Variants in DEFB1 observed in about 807,000 individuals in gnomAD.
DEFB1 encodes the protein beta-defensin 1.
In DEFB1, 4 loss-of-function variants were observed where a neutral mutation model predicts 2.6. The observed-to-expected ratio is 1.53, with a 90% CI of 0.76 to 3.51. The LOEUF is 3.51. DEFB1 is among the 30% of genes most tolerant of loss of function. The pLI is 0.01. For missense variants in DEFB1, 162 were observed against 76.9 expected (o/e 2.11, Z -4.14); for synonymous variants, 56 against 28.5 (o/e 1.96, Z -3.07).
Position 6,877,840 on chromosome 8 carries a change from A to G in DEFB1, c.18T>C (p.Leu6=). Residue 6 remains leucine (L), a synonymous_variant, in exon 1 of 2, where the codon CTT becomes CTC. Transcript: ENST00000297439. ...AAAGTAAGCAGAGAGTAAACAGCAG[A>G]AGGTAGGAAGTTCTCATGGCGACTG... MRTSY[L]LLFTLCLLLS... is the part of the protein sequence containing the mutation. 1.2e-6 allele frequency: 2 copies of G among 1,613,986 alleles called. No individual in the cohort carries two copies. The highest frequency in any genetic ancestry group is 1.7e-6 in the Non-Finnish European group (2 of 1,179,928).
intron 1 of DEFB1, among the ~76,000 whole-genome samples, chr8:6,874,005 T>C (rs926393193): frequency 1.2e-4 from 19 of 152,188 alleles, no homozygotes; most frequent in Admixed American, 1.0e-3. Context: ...CTGTGTCTGT[T>C]TCTCTTACGT....
At chr8:6,876,621 C>A (rs564680638) in intron 1 of DEFB1, among the ~76,000 whole-genome samples, 1 of 151,980 alleles carries the variant, frequency 6.6e-6, no homozygotes, top group Admixed American at 6.6e-5. Flanking sequence ...CACAGTAAGA[C>A]CTTATCTCTA....
chr8:6,870,743 A>T lies in DEFB1; in HGVS notation c.145T>A (p.Cys49Ser). ...CCTTGAATTTTGGTAAAGATCGGGC[A>T]GGCAGAATAGAGACATTGCCCTCCA... The part of the protein sequence containing the change: ...SSGGQCLYSA[C>S]PIFTKIQGTC... The change falls in exon 2 of 2, where the codon TGC becomes AGC. Residue 49 changes from cysteine to serine, a missense_variant. Cys to Ser is a moderately radical substitution (Grantham distance 112). Coordinates refer to ENST00000297439, the MANE Select transcript of DEFB1 (RefSeq NM_005218.4). The T allele has an allele frequency of 6.2e-7, 1 of 1,614,240 alleles. No individual in the cohort carries two copies. Among genetic ancestry groups the T allele is most frequent in the Non-Finnish European group, 8.5e-7 (1 of 1,180,046 alleles).
At chr8:6,873,571 G>A (rs1419111636) in intron 1 of DEFB1, among the ~76,000 whole-genome samples, 1 of 152,182 alleles carries the variant, frequency 6.6e-6, no homozygotes, top group Non-Finnish European at 1.5e-5. Flanking sequence ...AGATGCAGCT[G>A]GAGGCCAATA....
chr8:6,874,681 T>C (rs1199481916), intron 1 of DEFB1, among the ~76,000 whole-genome samples: 1 of 152,182 alleles, frequency 6.6e-6, no homozygotes, highest in Admixed American at 6.5e-5. Flanking sequence ...AAAAATAGTC[T>C]TATCAACAGT....
intron 1 of DEFB1, among the ~76,000 whole-genome samples, chr8:6,871,461 C>T (rs1806308139): frequency 6.6e-6 from 1 of 152,064 alleles, no homozygotes; most frequent in African/African-American, 2.4e-5. Context: ...TTCCATGCAA[C>T]AGGGAACAGT....
At chr8:6,874,308 A>C (rs527509674) in intron 1 of DEFB1, among the ~76,000 whole-genome samples, 1 of 152,328 alleles carries the variant, frequency 6.6e-6, no homozygotes, top group Non-Finnish European at 1.5e-5. Flanking sequence ...GAAATGAAGA[A>C]GACCTAAATG....
At position 6,874,118 on chromosome 8, in the gene DEFB1, T is replaced by TACACAC. The variant is rs756827017; in HGVS notation, c.62-3298_62-3293dup. On this transcript the variant is annotated intron_variant, in intron 1 of 1. Coordinates refer to ENST00000297439, the MANE Select transcript of DEFB1 (RefSeq NM_005218.4). ...AAAAGAACAGCTAGAATATCTGACA[T>TACACAC]ACACACACACACACACACACACACA... is the stretch of plus-strand genomic sequence containing the variant. Among the ~76,000 whole-genome samples the TACACAC allele has an allele frequency of 3.1e-3, 369 of 120,304 alleles. 2 individuals carry two copies. Among genetic ancestry groups the TACACAC allele is most frequent in the African/African-American group, 0.011 (336 of 29,840 alleles). 78.9% of individuals were successfully genotyped at this position (120,304 alleles called of 152,430 possible).
intron 1 of DEFB1, among the ~76,000 whole-genome samples, chr8:6,872,976 C>G (rs191828674): frequency 6.6e-6 from 1 of 152,176 alleles, no homozygotes; most frequent in Non-Finnish European, 1.5e-5. Flanking sequence ...GAGAGATCAA[C>G]TGAGCATATA....
At chr8:6,874,378 G>C (rs1806440261) in intron 1 of DEFB1, among the ~76,000 whole-genome samples, 1 of 152,174 alleles carries the variant, frequency 6.6e-6, no homozygotes, top group Non-Finnish European at 1.5e-5. Flanking sequence ...TTAATCTTCT[G>C]GTTCAACCAA....
Position 6,870,805 on chromosome 8 carries a change from A to G in DEFB1, c.83T>C (p.Leu28Pro), listed in dbSNP as rs752488601. The G allele has an allele frequency of 5.6e-6, 9 of 1,613,478 alleles. No individual in the cohort carries two copies. Among genetic ancestry groups the G allele is most frequent in the Non-Finnish European group, 7.6e-6 (9 of 1,179,834 alleles). ...MASGGNFLTG[L>P]GHRSDHYNCV... ...ATTGTAATGATCAGATCTGTGGCCAAGGCCTGTGAGAAAGTTACCACCTGT... is the reference window on the plus strand; with the variant it reads ...ATTGTAATGATCAGATCTGTGGCCAGGGCCTGTGAGAAAGTTACCACCTGT... The change falls in exon 2 of 2, where the codon CTT becomes CCT. Residue 28 changes from leucine (L) to proline (P), a missense_variant. By Grantham distance (98) the Leu-to-Pro change is moderately conservative. Transcript: ENST00000297439.
At chr8:6,874,700 G>T (rs905835946) in intron 1 of DEFB1, among the ~76,000 whole-genome samples, 1 of 152,134 alleles carries the variant, frequency 6.6e-6, no homozygotes, top group African/African-American at 2.4e-5. Context: ...GTTGGTTCTG[G>T]GCTGGGCATG....
intron 1 of DEFB1, 133 bp from the exon 2 acceptor site, chr8:6,870,959 T>A: frequency 9.8e-7 from 1 of 1,025,300 alleles, no homozygotes; most frequent in African/African-American, 1.6e-5. Flanking sequence ...GGCCCATGAT[T>A]GATCTTTGGG....
At chr8:6,876,883 C>G (rs1806551822) in intron 1 of DEFB1, among the ~76,000 whole-genome samples, 1 of 148,302 alleles carries the variant, frequency 6.7e-6, no homozygotes, top group Non-Finnish European at 1.5e-5. Context: ...ATTGTAGCAA[C>G]TGGCAGCATG....
At chr8:6,874,720 G>A (rs1442907750) in intron 1 of DEFB1, among the ~76,000 whole-genome samples, 1 of 152,176 alleles carries the variant, frequency 6.6e-6, no homozygotes, top group Non-Finnish European at 1.5e-5. Flanking sequence ...GGTGGCTCAT[G>A]GCTGTAATCC....
intron 1 of DEFB1, among the ~76,000 whole-genome samples, chr8:6,875,072 A>G (rs1396432824): frequency 1.0e-5 from 1 of 96,746 alleles, no homozygotes; most frequent in Non-Finnish European, 2.7e-5. Flanking sequence ...AGCCACACAC[A>G]CACACACACA....
chr8:6,873,690 G>A (rs45622036), intron 1 of DEFB1, among the ~76,000 whole-genome samples: 1 of 152,174 alleles, frequency 6.6e-6, no homozygotes, highest in African/African-American at 2.4e-5. Flanking sequence ...AAAGGAGGCA[G>A]AGGAGTGTGG....
chr8:6,877,575 C>G (rs1237080283), intron 1 of DEFB1, among the ~76,000 whole-genome samples: 2 of 152,250 alleles, frequency 1.3e-5, no homozygotes, highest in African/African-American at 4.8e-5. Context: ...GTGACAAGCG[C>G]CATGACCCTG....
intron 1 of DEFB1, among the ~76,000 whole-genome samples, chr8:6,875,887 C>G (rs964953239): frequency 6.6e-6 from 1 of 152,012 alleles, no homozygotes; most frequent in Non-Finnish European, 1.5e-5. Flanking sequence ...TGAAAAGTTA[C>G]CACCATAAAA....
Sources: gnomAD v4.1 joint callset for allele counts (sites outside exome capture counted in the v4.1 genomes callset) on GRCh38, gnomAD v4.1.1 for gene constraint, MANE v1.5 for transcripts, NCBI Gene and HGNC (gene_info 2026-07-23, HGNC 2026-07-21) for gene names.